MRTFB: variants seen among roughly 807,000 people sequenced by gnomAD.
The protein encoded by MRTFB is myocardin-related transcription factor B.
Under a neutral mutation model 104.2 loss-of-function variants are expected in MRTFB, and 29 were observed. That is an observed-to-expected ratio of 0.28 (90% CI 0.21 to 0.38). MRTFB has a LOEUF of 0.38. MRTFB is among the 10% of genes least tolerant of loss of function. The pLI, the probability that MRTFB is intolerant of heterozygous loss-of-function variation, is 1.00. For synonymous variants in MRTFB, 535 were observed against 519.5 expected, an observed-to-expected ratio of 1.03 and a Z score of -0.41; for missense variants, 1,270 against 1,341.6, an observed-to-expected ratio of 0.95 and a Z score of 0.83.
intron 16 of MRTFB, among the ~76,000 whole-genome samples, chr16:14,259,119 G>C (rs967986483): frequency 6.6e-6 from 1 of 152,158 alleles, no homozygotes; most frequent in African/African-American, 2.4e-5. Context: ...TTTTTGCTAA[G>C]AATTATATTG....
At chr16:14,184,200 G>A (rs1022698109) in intron 3 of MRTFB, among the ~76,000 whole-genome samples, 11 of 150,270 alleles carry the variant, frequency 7.3e-5, no homozygotes, top group Admixed American at 1.3e-4. Context: ...TATGAGATAT[G>A]CCACCTCTGA....
chr16:14,115,143 C>A (rs1448143479), intron 2 of MRTFB, among the ~76,000 whole-genome samples: 2 of 152,202 alleles, frequency 1.3e-5, no homozygotes, highest in African/African-American at 4.8e-5. Context: ...ACCTCAAGTC[C>A]TTTTCAGCAC....
At chr16:14,234,428 T>C (rs139384224) in intron 9 of MRTFB, 145 bp downstream of exon 9, 16 of 943,350 alleles carry the variant, frequency 1.7e-5, no homozygotes, top group Non-Finnish European at 2.4e-5. Context: ...ATGCAAAGAC[T>C]TGCTAGACTG....
At chr16:14,068,963 CTTTTTTTTTTTT>C (rs989515330), upstream of MRTFB, among the ~76,000 whole-genome samples, 1 of 100,152 alleles carries the variant, frequency 1.0e-5, no homozygotes, top group Admixed American at 1.1e-4. Flanking sequence ...GATTCTCCAG[CTTTTTTTTTTTT>C]TTTTTTTTTT....
At chr16:14,254,123 G>A in intron 15 of MRTFB, among the ~76,000 whole-genome samples, 1 of 152,144 alleles carries the variant, frequency 6.6e-6, no homozygotes, top group East Asian at 1.9e-4. Context: ...TTTATAGACT[G>A]AGGTTCTACA....
At chr16:14,152,483 A>C (rs901292293) in intron 3 of MRTFB, 52 of 152,190 alleles carry the variant, frequency 3.4e-4, no homozygotes, top group African/African-American at 1.2e-3. Flanking sequence ...GAGGGGGTGG[A>C]TCTATAAGTT....
the MRTFB span, among the ~76,000 whole-genome samples, chr16:14,044,609 A>G: frequency 6.6e-6 from 1 of 152,210 alleles, no homozygotes; most frequent in South Asian, 2.1e-4. Flanking sequence ...GTGCAAAGCA[A>G]AGGTTGCTTC....
At chr16:14,221,848 C>G (rs952864311) in intron 8 of MRTFB, among the ~76,000 whole-genome samples, 2 of 133,528 alleles carry the variant, frequency 1.5e-5, no homozygotes, top group African/African-American at 5.5e-5. Context: ...ATGGTGTGAT[C>G]TCAGCTTACT....
At chr16:14,034,616 CAAA>C in the MRTFB span, among the ~76,000 whole-genome samples, 5 of 57,814 alleles carry the variant, frequency 8.6e-5, no homozygotes, top group Admixed American at 2.0e-4. Flanking sequence ...CTCCATCTCA[CAAA>C]AAAAAAAAAA....
intron 6 of MRTFB, 91 bp from the exon 7 acceptor site, chr16:14,217,035 T>C: frequency 1.5e-6 from 2 of 1,309,018 alleles, no homozygotes; most frequent in Middle Eastern, 4.0e-4. Flanking sequence ...TGTGTCTAAA[T>C]CAGTTTAAAT....
At chr16:14,015,907 G>T in the MRTFB span, 4 of 398,566 alleles carry the variant, frequency 1.0e-5, no homozygotes, top group Non-Finnish European at 8.8e-6. Context: ...TTTCTCTCCG[G>T]GTCTCCTCCA....
chr16:14,069,241 G>T (rs558289842), upstream of MRTFB, among the ~76,000 whole-genome samples: 1 of 152,244 alleles, frequency 6.6e-6, no homozygotes, highest in South Asian at 2.1e-4. Flanking sequence ...AAAGTGCTGG[G>T]ATTACAGGCA....
chr16:14,136,922 A>G (rs1324775637), intron 2 of MRTFB, among the ~76,000 whole-genome samples: 1 of 152,186 alleles, frequency 6.6e-6, no homozygotes, highest in Non-Finnish European at 1.5e-5. Flanking sequence ...AACTGCAGTT[A>G]CGTTATTGGG....
intron 3 of MRTFB, among the ~76,000 whole-genome samples, chr16:14,171,513 T>A (rs892728980): frequency 6.9e-6 from 1 of 145,598 alleles, no homozygotes; most frequent in African/African-American, 2.7e-5. Flanking sequence ...AAAAAAAAAA[T>A]ACATTTACAC....
chr16:14,105,751 T>G (rs2035941477), intron 2 of MRTFB, among the ~76,000 whole-genome samples: 1 of 152,202 alleles, frequency 6.6e-6, no homozygotes, highest in Non-Finnish European at 1.5e-5. Context: ...CTTTTGTCAA[T>G]GAAAACTCTA....
chr16:14,014,809 T>C, the MRTFB span, among the ~76,000 whole-genome samples: 1 of 152,062 alleles, frequency 6.6e-6, no homozygotes, highest in Non-Finnish European at 1.5e-5. Context: ...GCGGAGGTTG[T>C]AGTGAGCTGA....
the MRTFB span, among the ~76,000 whole-genome samples, chr16:14,039,760 CTTTTTTTTT>C: frequency 8.2e-6 from 1 of 121,940 alleles, no homozygotes; most frequent in African/African-American, 3.1e-5. Flanking sequence ...ATAATATGTT[CTTTTTTTTT>C]TTTTTTTTTT....
chr16:14,016,773 CAAAAAAAAAAAA>C, the MRTFB span, among the ~76,000 whole-genome samples: 4 of 60,458 alleles, frequency 6.6e-5, no homozygotes, highest in African/African-American at 2.0e-4. Context: ...AACTCTGCCT[CAAAAAAAAAAAA>C]AAAAAAAAAA....
At chr16:14,209,490 C>T (rs1003345009) in intron 3 of MRTFB, among the ~76,000 whole-genome samples, 1 of 151,982 alleles carries the variant, frequency 6.6e-6, no homozygotes, top group Non-Finnish European at 1.5e-5. Context: ...TCTCATTTTC[C>T]AGATAAAAAT....
Sources: allele counts gnomAD v4.1 joint callset (sites outside exome capture counted in the v4.1 genomes callset), GRCh38; gene constraint gnomAD v4.1.1; transcripts MANE v1.5; gene names NCBI Gene and HGNC (gene_info 2026-07-23, HGNC 2026-07-21).